The following RSRC1 variants were observed in gnomAD, a reference collection of about 807,000 sequenced individuals.
RSRC1 encodes the protein arginine and serine rich coiled-coil 1, also known as serine/Arginine-related protein 53.
Under a neutral mutation model 49.1 loss-of-function variants are expected in RSRC1, and 39 were observed. The observed-to-expected ratio is 0.79, with a 90% CI of 0.61 to 1.04. The LOEUF (loss-of-function observed/expected upper bound fraction) is 1.04. Ranked by LOEUF, RSRC1 falls within the 50% of genes least tolerant of loss-of-function variation. RSRC1 has a pLI of 0.00. For synonymous variants in RSRC1, 143 were observed against 130.8 expected (o/e 1.09, Z -0.63); for missense variants, 388 against 402.4 (o/e 0.96, Z 0.31).
At chr3:158,520,721 G>C (rs1711609330) in intron 7 of RSRC1, among the ~76,000 whole-genome samples, 1 of 152,142 alleles carries the variant, frequency 6.6e-6, no homozygotes. Context: ...TGGATTTGCA[G>C]TGGTTTCATT....
chr3:158,354,830 T>C, intron 5 of RSRC1, 27 bp from the exon 6 acceptor site: 3 of 1,528,532 alleles, frequency 2.0e-6, no homozygotes, highest in Admixed American at 2.2e-5. Flanking sequence ...TCTTGTATGG[T>C]TGAATTTTTT....
chr3:158,378,700 T>C (rs958523487), intron 6 of RSRC1, among the ~76,000 whole-genome samples: 9 of 152,202 alleles, frequency 5.9e-5, no homozygotes, highest in African/African-American at 1.7e-4. Context: ...GATTCTCTCT[T>C]TTCTAGGATT....
chr3:158,224,437 A>G (rs1426847723), intron 4 of RSRC1, among the ~76,000 whole-genome samples: 1 of 151,818 alleles, frequency 6.6e-6, no homozygotes, highest in Non-Finnish European at 1.5e-5. Flanking sequence ...TATTATATAA[A>G]TGGGATTATG....
In RSRC1 at chr3:158,140,942, A is replaced by G. The variant is rs528519291; in HGVS notation, c.320+16951A>G. On this transcript the variant is annotated intron_variant, in intron 3 of 9. Coordinates refer to ENST00000611884, the MANE Select transcript of RSRC1 (RefSeq NM_001271838.2). ...TAATCAAGCTTGAGGAATATTGACT[A>G]TGGAAGCAAAGCTCTCAGGCACCAG... 5.6e-4 allele frequency among the ~76,000 whole-genome samples: 86 copies of G among 152,336 alleles called. No individual in the cohort carries two copies. The South Asian group carries it at 0.015, about 27-fold the overall frequency.
intron 6 of RSRC1, among the ~76,000 whole-genome samples, chr3:158,433,911 T>C (rs1735906910): frequency 6.6e-6 from 1 of 152,016 alleles, no homozygotes; most frequent in African/African-American, 2.4e-5. Flanking sequence ...GAATATATAT[T>C]TAAACTTTAT....
chr3:158,391,277 C>A (rs942901864), intron 6 of RSRC1, among the ~76,000 whole-genome samples: 12 of 152,040 alleles, frequency 7.9e-5, no homozygotes, highest in Non-Finnish European at 1.5e-5. Flanking sequence ...TAGTTTGGTA[C>A]TGCAATGAAT....
intron 6 of RSRC1, among the ~76,000 whole-genome samples, chr3:158,414,047 T>C (rs1349128612): frequency 6.6e-6 from 1 of 152,154 alleles, no homozygotes; most frequent in African/African-American, 2.4e-5. Flanking sequence ...TATAAATTAC[T>C]GGGTATATAC....
At chr3:158,523,569 C>G (rs976320654) in intron 7 of RSRC1, among the ~76,000 whole-genome samples, 1 of 152,016 alleles carries the variant, frequency 6.6e-6, no homozygotes. Flanking sequence ...TTTAGTTCAA[C>G]CCTAAAACAC....
At chr3:158,379,016 C>T (rs1732539307) in intron 6 of RSRC1, among the ~76,000 whole-genome samples, 1 of 152,060 alleles carries the variant, frequency 6.6e-6, no homozygotes. Context: ...AACATATGTA[C>T]AATCTTTGTT....
At chr3:158,230,605 G>T (rs1042350433) in intron 4 of RSRC1, among the ~76,000 whole-genome samples, 1 of 152,080 alleles carries the variant, frequency 6.6e-6, no homozygotes. Flanking sequence ...ATTATTCATA[G>T]TCTGTATACA....
At chr3:158,180,493 G>T (rs1031108694) in intron 3 of RSRC1, among the ~76,000 whole-genome samples, 15 of 125,834 alleles carry the variant, frequency 1.2e-4, no homozygotes, top group African/African-American at 4.4e-4. Context: ...TTTGAGGCAC[G>T]GTCTCATTCT....
chr3:158,139,854 T>G (rs1222759909), intron 3 of RSRC1, among the ~76,000 whole-genome samples: 1 of 152,130 alleles, frequency 6.6e-6, no homozygotes, highest in Non-Finnish European at 1.5e-5. Context: ...AGGCTGGTCT[T>G]GAACTGGTCT....
intron 6 of RSRC1, among the ~76,000 whole-genome samples, chr3:158,371,876 T>C (rs943688413): frequency 1.3e-5 from 2 of 151,838 alleles, no homozygotes; most frequent in Admixed American, 6.6e-5. Flanking sequence ...GTATGGTTAG[T>C]TTTAGTTTTC....
intron 6 of RSRC1, among the ~76,000 whole-genome samples, chr3:158,406,614 T>C (rs925578952): frequency 2.6e-5 from 4 of 152,048 alleles, no homozygotes; most frequent in African/African-American, 9.7e-5. Context: ...AATACGAAGA[T>C]CTGTTGATAA....
At chr3:158,318,890 T>C (rs1410614168) in intron 5 of RSRC1, among the ~76,000 whole-genome samples, 2 of 152,202 alleles carry the variant, frequency 1.3e-5, no homozygotes, top group Non-Finnish European at 2.9e-5. Flanking sequence ...TCAACCCTTC[T>C]CTTTTCCTAG....
rs183854430 is a variant in RSRC1, at chr3:158,435,553, C to T, written c.584-25382C>T. On this transcript the variant is annotated intron_variant, in intron 6 of 9. Transcript: ENST00000611884. Reference sequence around the variant, plus strand: ...CTCTGAAAATTCATAAGATTTACTGCTCTTAAATATGTGCTATAAAGATAT... The same window carrying T: ...CTCTGAAAATTCATAAGATTTACTGTTCTTAAATATGTGCTATAAAGATAT... 4.3e-3 allele frequency among the ~76,000 whole-genome samples: 649 copies of T among 151,358 alleles called. 5 individuals are homozygous for T. Among genetic ancestry groups the T allele is most frequent in the African/African-American group, 0.014 (569 of 41,398 alleles).
chr3:158,463,107 C>T (rs904752346), intron 7 of RSRC1, among the ~76,000 whole-genome samples: 1 of 151,992 alleles, frequency 6.6e-6, no homozygotes, highest in Non-Finnish European at 1.5e-5. Context: ...GAGCTTGCAA[C>T]GGGATTCCAA....
chr3:158,240,561 G>T (rs2107991399), intron 4 of RSRC1, among the ~76,000 whole-genome samples: 1 of 152,180 alleles, frequency 6.6e-6, no homozygotes. Flanking sequence ...CAATCTTCCT[G>T]GGTGAGATTT....
intron 4 of RSRC1, among the ~76,000 whole-genome samples, chr3:158,250,218 T>G (rs1181799670): frequency 1.3e-5 from 2 of 152,254 alleles, no homozygotes; most frequent in Non-Finnish European, 2.9e-5. Context: ...ATTTCTGTGT[T>G]GATGGACACT....
Sources: allele counts gnomAD v4.1 joint callset (sites outside exome capture counted in the v4.1 genomes callset), GRCh38; gene constraint gnomAD v4.1.1; transcripts MANE v1.5; gene names NCBI Gene and HGNC (gene_info 2026-07-23, HGNC 2026-07-21).